Variants in CPA6 observed in about 807,000 individuals in gnomAD.
CPA6 encodes the protein carboxypeptidase B.
CPA6 carries 58 observed loss-of-function variants against 63.3 expected under a neutral mutation model. That is an observed-to-expected ratio of 0.92 (90% CI 0.74 to 1.14). CPA6 has a LOEUF of 1.14. Ranked by LOEUF, CPA6 falls within the 50% of genes most tolerant of loss-of-function variation. CPA6 has a pLI of 0.00. For missense variants in CPA6, 565 were observed against 526.6 expected, an observed-to-expected ratio of 1.07 and a Z score of -0.71; for synonymous variants, 185 against 179.0, an observed-to-expected ratio of 1.03 and a Z score of -0.27.
At chr8:67,720,907 G>A (rs755148692) in intron 1 of CPA6, among the ~76,000 whole-genome samples, 1 of 152,184 alleles carries the variant, frequency 6.6e-6, no homozygotes, top group African/African-American at 2.4e-5. Flanking sequence ...AGATCAACCT[G>A]AGTTGATCTC....
intron 2 of CPA6, among the ~76,000 whole-genome samples, chr8:67,591,341 T>C (rs1002517117): frequency 1.3e-5 from 2 of 152,068 alleles, no homozygotes; most frequent in Non-Finnish European, 2.9e-5. Flanking sequence ...CTTTGTTCTT[T>C]TGGCTTAGGA....
intron 1 of CPA6, among the ~76,000 whole-genome samples, chr8:67,715,379 C>T (rs868265078): frequency 6.6e-6 from 1 of 152,210 alleles, no homozygotes; most frequent in Non-Finnish European, 1.5e-5. Flanking sequence ...CACTTTACTG[C>T]TGCCTTCATT....
chr8:67,570,375 C>T (rs2128976261), intron 2 of CPA6, among the ~76,000 whole-genome samples: 1 of 152,202 alleles, frequency 6.6e-6, no homozygotes, highest in African/African-American at 2.4e-5. Flanking sequence ...CATATGAAAG[C>T]ACAAAACCTA....
intron 1 of CPA6, among the ~76,000 whole-genome samples, chr8:67,636,182 CA>C (rs1815465047): frequency 6.6e-6 from 1 of 151,408 alleles, no homozygotes; most frequent in Non-Finnish European, 1.5e-5. Context: ...TGAATGTAAA[CA>C]AGCAGATATG....
intron 8 of CPA6, among the ~76,000 whole-genome samples, chr8:67,473,254 G>C (rs1369473621): frequency 6.6e-6 from 1 of 152,192 alleles, no homozygotes; most frequent in Non-Finnish European, 1.5e-5. Flanking sequence ...GCAAAAATAT[G>C]TTTAAGGTTG....
intron 1 of CPA6, among the ~76,000 whole-genome samples, chr8:67,693,112 C>T (rs1276845076): frequency 6.6e-6 from 1 of 152,210 alleles, no homozygotes; most frequent in Non-Finnish European, 1.5e-5. Context: ...TGTGAAAAGA[C>T]TCATTCCAAA....
rs186375061 is a variant in CPA6, at chr8:67,445,418, A to T, written c.839-11178T>A. Among the ~76,000 whole-genome samples, 256 of 152,288 alleles carry T rather than the reference A, an allele frequency of 1.7e-3. 1 individual carries two copies. The highest frequency in any genetic ancestry group is 3.0e-3 in the Non-Finnish European group (204 of 68,002). On this transcript the variant is annotated intron_variant, in intron 8 of 10. Transcript: ENST00000297770. ...TTCCTGTTTTCTTCAAATGTCTTTG[A>T]TTCCTCATCCCATCAGTAAGAAACT...
intron 1 of CPA6, among the ~76,000 whole-genome samples, chr8:67,681,603 T>C (rs901153851): frequency 1.3e-5 from 2 of 152,176 alleles, no homozygotes; most frequent in Non-Finnish European, 2.9e-5. Flanking sequence ...AAGGTATGCA[T>C]GTAAGCTTTT....
chr8:67,424,372 G>T (rs951962658), intron 10 of CPA6, among the ~76,000 whole-genome samples: 1 of 152,130 alleles, frequency 6.6e-6, no homozygotes, highest in African/African-American at 2.4e-5. Context: ...AAAGGTTGGG[G>T]ACTGCTGCTG....
rs886907156 is a variant in CPA6, at chr8:67,495,677, G to C, written c.637-10888C>G. On this transcript the variant is annotated intron_variant, in intron 6 of 10. Coordinates refer to ENST00000297770, the MANE Select transcript of CPA6 (RefSeq NM_020361.5). ...GGGATGTGTTTTTTGCTCCTTATCA[G>C]TGTTTTCTTTTTCTTTTTCTCTTTT... Among the ~76,000 whole-genome samples the C allele has an allele frequency of 2.6e-5, 4 of 151,840 alleles. No individual in the cohort carries two copies. The South Asian group carries it at 8.3e-4, about 32-fold the overall frequency.
intron 8 of CPA6, among the ~76,000 whole-genome samples, chr8:67,475,836 TTTCTTTCTTTCTTTC>T (rs1811188071): frequency 1.3e-5 from 1 of 76,684 alleles, no homozygotes; most frequent in African/African-American, 5.4e-5. Flanking sequence ...TCTTTCTTTC[TTTCTTTCTTTCTTTC>T]TTTCTTTCTT....
intron 2 of CPA6, among the ~76,000 whole-genome samples, chr8:67,612,446 A>T (rs1247816056): frequency 6.6e-6 from 1 of 152,184 alleles, no homozygotes; most frequent in Non-Finnish European, 1.5e-5. Flanking sequence ...GTACTGGGTC[A>T]ATGTCTTTTC....
chr8:67,587,257 A>G (rs751376293), intron 2 of CPA6, among the ~76,000 whole-genome samples: 13 of 152,128 alleles, frequency 8.5e-5, no homozygotes, highest in East Asian at 1.9e-4. Flanking sequence ...ACTACCTTCT[A>G]TTAGGCTGTG....
chr8:67,698,450 T>A (rs1022533929), intron 1 of CPA6, among the ~76,000 whole-genome samples: 4 of 152,316 alleles, frequency 2.6e-5, no homozygotes, highest in Admixed American at 2.6e-4. Context: ...ATTATTCCAA[T>A]TGGGATCCTC....
chr8:67,426,373 C>T (rs549074098), intron 10 of CPA6, among the ~76,000 whole-genome samples: 4 of 151,736 alleles, frequency 2.6e-5, no homozygotes, highest in Admixed American at 6.6e-5. Context: ...GATTAAAAAA[C>T]GTTAATGTTT....
intron 2 of CPA6, among the ~76,000 whole-genome samples, chr8:67,560,160 G>GATATATATATATATATAT (rs6150633): frequency 0.012 from 1,744 of 139,872 alleles, 31 homozygotes; most frequent in Non-Finnish European, 0.015. Flanking sequence ...TGTATTTCCG[G>GATATATATATATATATAT]ATATATATAT....
chr8:67,522,037 G>C (rs977099312), intron 2 of CPA6, among the ~76,000 whole-genome samples: 32 of 152,298 alleles, frequency 2.1e-4, no homozygotes, highest in African/African-American at 7.5e-4. Flanking sequence ...ACAGGGACAG[G>C]TACCCGGTGA....
chr8:67,592,112 G>C (rs994758269), intron 2 of CPA6, among the ~76,000 whole-genome samples: 11 of 152,232 alleles, frequency 7.2e-5, no homozygotes, highest in Non-Finnish European at 1.5e-4. Flanking sequence ...GTTGAATTTT[G>C]TCAAAGGCCT....
chr8:67,438,039 C>T (rs554669578), intron 8 of CPA6, among the ~76,000 whole-genome samples: 20 of 152,264 alleles, frequency 1.3e-4, no homozygotes, highest in African/African-American at 4.6e-4. Context: ...GCCTCAGCCT[C>T]CCGAGTACCT....
Sources: allele counts gnomAD v4.1 joint callset (sites outside exome capture counted in the v4.1 genomes callset), GRCh38; gene constraint gnomAD v4.1.1; transcripts MANE v1.5; gene names NCBI Gene and HGNC (gene_info 2026-07-23, HGNC 2026-07-21).